PSD3: variants seen among roughly 807,000 people sequenced by gnomAD.
The protein encoded by PSD3 is PH and SEC7 domain-containing protein 3.
PSD3 carries 49 observed loss-of-function variants against 105.5 expected under a neutral mutation model. The ratio of observed to expected loss-of-function variants is 0.46; its 90% confidence interval spans 0.37 to 0.59. The LOEUF (loss-of-function observed/expected upper bound fraction) is 0.59, where lower values mean the gene tolerates loss of function less well. Ranked by LOEUF, PSD3 falls within the 20% of genes least tolerant of loss-of-function variation. The pLI is 0.00. For missense variants in PSD3, 1,561 were observed against 1,263.8 expected (o/e 1.24, Z -3.57); for synonymous variants, 557 against 457.8 (o/e 1.22, Z -2.77).
intron 9 of PSD3, among the ~76,000 whole-genome samples, chr8:18,663,782 C>T (rs563606403): frequency 6.6e-6 from 1 of 152,284 alleles, no homozygotes; most frequent in Admixed American, 6.5e-5. Flanking sequence ...TTGTGCTTTG[C>T]CTCACTGAGC....
chr8:18,872,912 C>G (rs544533029), intron 2 of PSD3, among the ~76,000 whole-genome samples, 179 bp from the exon 3 acceptor site: 1 of 152,216 alleles, frequency 6.6e-6, no homozygotes, highest in East Asian at 1.9e-4. Flanking sequence ...GTGATCCCTT[C>G]TACTCAGCCT....
intron 1 of PSD3, among the ~76,000 whole-genome samples, chr8:18,971,070 G>C (rs2129472029): frequency 6.6e-6 from 1 of 151,810 alleles, no homozygotes; most frequent in East Asian, 1.9e-4. Flanking sequence ...AGACCATGCA[G>C]ACCTCACATG....
At chr8:19,073,550 C>CAAAAAAAAAAAAA (rs869154642) in intron 1 of PSD3, among the ~76,000 whole-genome samples, 27 of 69,152 alleles carry the variant, frequency 3.9e-4, no homozygotes, top group African/African-American at 1.6e-3. Context: ...AACTGTCTCT[C>CAAAAAAAAAAAAA]AAAAAAAAAA....
intron 1 of PSD3, among the ~76,000 whole-genome samples, chr8:19,010,766 C>T (rs894345453): frequency 6.6e-6 from 1 of 152,092 alleles, no homozygotes; most frequent in Non-Finnish European, 1.5e-5. Flanking sequence ...GAGAATTTCA[C>T]ATGGATCCTG....
intron 4 of PSD3, among the ~76,000 whole-genome samples, chr8:18,845,672 C>G (rs187463933): frequency 4.6e-5 from 7 of 152,044 alleles, no homozygotes; most frequent in Admixed American, 1.3e-4. Flanking sequence ...TGTGGTGGCT[C>G]GCACCTGTAA....
intron 3 of PSD3, 38 bp from the exon 4 acceptor site, chr8:18,868,107 G>C: frequency 6.5e-7 from 1 of 1,535,606 alleles, no homozygotes; most frequent in Non-Finnish European, 8.8e-7. Context: ...CCAATATTAG[G>C]TTAATGTCTT....
intron 1 of PSD3, among the ~76,000 whole-genome samples, chr8:19,067,584 G>A (rs1239827979): frequency 6.6e-5 from 10 of 152,194 alleles, no homozygotes; most frequent in African/African-American, 2.4e-4. Context: ...CCAGAAGGTG[G>A]AACCACAGTC....
intron 9 of PSD3, among the ~76,000 whole-genome samples, chr8:18,755,433 A>ATAACG (rs1450863947): frequency 2.1e-5 from 3 of 141,422 alleles, no homozygotes; most frequent in Non-Finnish European, 3.1e-5. Context: ...CTGTCTCAAC[A>ATAACG]TAACATAACA....
chr8:18,738,356 AATGGGAAGGTTC>A (rs1804307906), intron 9 of PSD3, among the ~76,000 whole-genome samples: 1 of 151,884 alleles, frequency 6.6e-6, no homozygotes, highest in Non-Finnish European at 1.5e-5. Context: ...TCATTTATAA[AATGGGAAGGTTC>A]ATCAAGATCA....
chr8:18,791,258 C>A (rs915584357), intron 8 of PSD3, among the ~76,000 whole-genome samples: 2 of 152,058 alleles, frequency 1.3e-5, no homozygotes, highest in South Asian at 4.2e-4. Context: ...CAAAGAACCA[C>A]CCAGACAGTC....
rs115366815 is a variant in PSD3, at chr8:18,860,270, T to C, written c.1634+7404A>G. 8.4e-3 allele frequency among the ~76,000 whole-genome samples: 1,271 copies of C among 152,038 alleles called. 25 individuals carry two copies. The highest frequency in any genetic ancestry group is 0.029 in the African/African-American group (1,185 of 41,450). On this transcript the variant is annotated intron_variant, in intron 4 of 15. Coordinates refer to ENST00000327040, the MANE Select transcript of PSD3 (RefSeq NM_015310.4). The stretch of plus-strand genomic sequence containing the variant: ...CATGGTTTATGGGGCCCCAAAACAA[T>C]GACAATAGTAACATCAAAGATCTGG...
In PSD3 at chr8:18,615,705, G is replaced by A. The variant is rs549676180; in HGVS notation, c.2411-15271C>T. Among the ~76,000 whole-genome samples the A allele has an allele frequency of 7.9e-5, 12 of 152,276 alleles. No individual in the cohort carries two copies. In the South Asian group the frequency reaches 2.5e-3, roughly 32 times the overall value. On this transcript the variant is annotated intron_variant, in intron 11 of 15. Transcript: ENST00000327040. ...TTAAGAGCAGGGTGTTAAAATAAATGTAAGGTTAAATCATCGCAGTCTATC... is the reference window on the plus strand; with the variant it reads ...TTAAGAGCAGGGTGTTAAAATAAATATAAGGTTAAATCATCGCAGTCTATC...
At chr8:18,822,477 C>G (rs752469149) in intron 4 of PSD3, among the ~76,000 whole-genome samples, 1 of 152,160 alleles carries the variant, frequency 6.6e-6, no homozygotes, top group East Asian at 1.9e-4. Flanking sequence ...CAATACTCCA[C>G]CTGGTGCGAG....
At chr8:18,769,125 T>C (rs1005721731) in intron 8 of PSD3, among the ~76,000 whole-genome samples, 1 of 152,276 alleles carries the variant, frequency 6.6e-6, no homozygotes, top group African/African-American at 2.4e-5. Flanking sequence ...CAATGAACAG[T>C]CATTATGATA....
At chr8:18,788,010 G>C (rs561741142) in intron 8 of PSD3, among the ~76,000 whole-genome samples, 1 of 152,148 alleles carries the variant, frequency 6.6e-6, no homozygotes, top group African/African-American at 2.4e-5. Flanking sequence ...ACTATAATTG[G>C]TGTGAAGATG....
chr8:18,580,592 C>A (rs1802751250), intron 12 of PSD3, among the ~76,000 whole-genome samples: 1 of 151,876 alleles, frequency 6.6e-6, no homozygotes, highest in East Asian at 1.9e-4. Context: ...AAAACACAAA[C>A]AAACAAAAAC....
At chr8:18,809,887 C>A (rs926599967) in intron 4 of PSD3, among the ~76,000 whole-genome samples, 2 of 152,014 alleles carry the variant, frequency 1.3e-5, no homozygotes, top group East Asian at 1.9e-4. Context: ...AACACAAAAA[C>A]CCTCCTCTGT....
intron 9 of PSD3, among the ~76,000 whole-genome samples, chr8:18,763,377 A>C (rs1459916346): frequency 6.6e-6 from 1 of 152,124 alleles, no homozygotes; most frequent in Non-Finnish European, 1.5e-5. Context: ...AGAAAGAGAG[A>C]ATGACCATGA....
At chr8:18,557,998 A>G (rs962148529) in intron 14 of PSD3, among the ~76,000 whole-genome samples, 2 of 152,214 alleles carry the variant, frequency 1.3e-5, no homozygotes, top group Admixed American at 6.5e-5. Context: ...TAGTGCCCTT[A>G]TAAGAGGAGA....
Sources: allele counts gnomAD v4.1 joint callset (sites outside exome capture counted in the v4.1 genomes callset), GRCh38; gene constraint gnomAD v4.1.1; transcripts MANE v1.5; gene names NCBI Gene and HGNC (gene_info 2026-07-23, HGNC 2026-07-21).